Variants in RSF1 observed in about 807,000 individuals in gnomAD.
RSF1 encodes the protein remodeling and spacing factor 1, also known as HBV pX-associated protein 8.
Under a neutral mutation model 145.2 loss-of-function variants are expected in RSF1, and 13 were observed. That is an observed-to-expected ratio of 0.09 (90% CI 0.06 to 0.14). The LOEUF (loss-of-function observed/expected upper bound fraction) is 0.14. RSF1 is among the 10% of genes least tolerant of loss of function. The pLI is 1.00. For missense variants in RSF1, 1,517 were observed against 1,718.2 expected (o/e 0.88, Z 2.07); for synonymous variants, 577 against 592.6 (o/e 0.97, Z 0.38).
chr11:77,710,078 C>A (rs1202877192), intron 5 of RSF1, among the ~76,000 whole-genome samples: 1 of 151,990 alleles, frequency 6.6e-6, no homozygotes, highest in Non-Finnish European at 1.5e-5. Flanking sequence ...TTAGCAGCTA[C>A]CCCAAGAGAG....
rs1959528492 is a variant in RSF1 at position 77,671,141 on chromosome 11, ATATATATATATATATATATAT to A, written c.3751+880_3751+900del. ...AAAAAAAAAAAAAAAAAAAAAAAATATATATATATATATATATATATATATATATATATATATTTATATGTA... is the reference window on the plus strand; with the variant it reads ...AAAAAAAAAAAAAAAAAAAAAAAATAATATATATATATATATTTATATGTA... On this transcript the variant is annotated intron_variant, in intron 15 of 15. Coordinates refer to ENST00000308488, the MANE Select transcript of RSF1 (RefSeq NM_016578.4). Among the ~76,000 whole-genome samples the A allele has an allele frequency of 1.4e-4, 2 of 14,452 alleles. 1 individual carries two copies. Among genetic ancestry groups the A allele is most frequent in the African/African-American group, 8.6e-4 (2 of 2,316 alleles). 9.5% of individuals were successfully genotyped at this position (14,452 alleles called of 152,430 possible). A position where few individuals can be genotyped will look rare whatever the true frequency, so the allele number is the denominator to read the frequency against.
intron 11 of RSF1, among the ~76,000 whole-genome samples, chr11:77,683,273 G>C (rs1036238237): frequency 2.0e-5 from 3 of 152,078 alleles, no homozygotes; most frequent in Admixed American, 2.0e-4. Flanking sequence ...CCTGGAGACA[G>C]AGCAAGACTC....
chr11:77,826,506 T>A, the RSF1 span, among the ~76,000 whole-genome samples: 14 of 152,200 alleles, frequency 9.2e-5, no homozygotes, highest in Non-Finnish European at 2.1e-4. Flanking sequence ...AGGCCTGATA[T>A]TCACTTGTAT....
intron 4 of RSF1, chr11:77,734,830 T>C: frequency 1.3e-6 from 2 of 1,593,760 alleles, no homozygotes; most frequent in Non-Finnish European, 1.7e-6. Flanking sequence ...TTTCTCAGCA[T>C]GCTCCCTCTC....
At position 77,759,077 on chromosome 11, in the gene RSF1, G is replaced by A. The variant is rs541559902; in HGVS notation, c.279+5521C>T. ...TTTTTTCTAAGAGTTTCATGATTTA[G>A]CCCTTATATTTAGGTTGTTGATCTA... On this transcript the variant is annotated intron_variant, in intron 2 of 15. Transcript: ENST00000308488. Among the ~76,000 whole-genome samples the A allele has an allele frequency of 2.0e-5, 3 of 152,166 alleles. No homozygotes were observed. The South Asian group carries it at 6.2e-4, about 32-fold the overall frequency.
At chr11:77,786,229 C>T (rs1948455505) in intron 1 of RSF1, among the ~76,000 whole-genome samples, 1 of 152,050 alleles carries the variant, frequency 6.6e-6, no homozygotes, top group Non-Finnish European at 1.5e-5. Flanking sequence ...ATTAATTTAT[C>T]CCCACAAATA....
intron 5 of RSF1, chr11:77,703,173 T>C (rs535851482): frequency 1.3e-5 from 2 of 152,332 alleles, no homozygotes; most frequent in South Asian, 4.1e-4. Flanking sequence ...ATATTACAAC[T>C]TACTTTATCA....
At chr11:77,807,316 C>G (rs1948687130) in intron 1 of RSF1, among the ~76,000 whole-genome samples, 1 of 152,160 alleles carries the variant, frequency 6.6e-6, no homozygotes, top group Non-Finnish European at 1.5e-5. Context: ...TATGATTTCC[C>G]CTGGCCAAAA....
intron 9 of RSF1, among the ~76,000 whole-genome samples, chr11:77,685,988 C>T (rs1455829963): frequency 6.6e-6 from 1 of 152,084 alleles, no homozygotes; most frequent in Non-Finnish European, 1.5e-5. Context: ...GCAATGCAGA[C>T]GTATAGCTCT....
At chr11:77,734,654 T>C (rs1961294279) in intron 4 of RSF1, 2 of 1,442,606 alleles carry the variant, frequency 1.4e-6, no homozygotes, top group African/African-American at 2.8e-5. Flanking sequence ...GGGTCATTTT[T>C]GTCAGTGGCC....
the RSF1 span, among the ~76,000 whole-genome samples, chr11:77,832,951 A>G: frequency 8.5e-3 from 578 of 68,344 alleles, 11 homozygotes; most frequent in Middle Eastern, 0.019. Context: ...GTATATATAT[A>G]TGTGTGTGTG....
chr11:77,839,875 A>T, the RSF1 span, among the ~76,000 whole-genome samples: 1 of 152,124 alleles, frequency 6.6e-6, no homozygotes, highest in Non-Finnish European at 1.5e-5. Context: ...TGTGGGGCTT[A>T]ATACCTAGGT....
chr11:77,847,721 A>G, the RSF1 span, among the ~76,000 whole-genome samples: 1 of 152,332 alleles, frequency 6.6e-6, no homozygotes, highest in East Asian at 1.9e-4. Flanking sequence ...TTTATATTGT[A>G]TTCAGTTAAT....
At chr11:77,867,785 T>A in the RSF1 span, among the ~76,000 whole-genome samples, 1 of 152,224 alleles carries the variant, frequency 6.6e-6, no homozygotes, top group Non-Finnish European at 1.5e-5. Flanking sequence ...TCATCTTTGT[T>A]AAACACATCA....
At chr11:77,735,152 C>G in intron 4 of RSF1, 1 of 703,016 alleles carries the variant, frequency 1.4e-6, no homozygotes. Context: ...GGGCGGCCGG[C>G]TGGGGTGGGG....
intron 1 of RSF1, among the ~76,000 whole-genome samples, chr11:77,790,633 T>C (rs1472011073): frequency 6.6e-6 from 1 of 152,200 alleles, no homozygotes; most frequent in Non-Finnish European, 1.5e-5. Context: ...GCAAGTTAGT[T>C]ACTTCCTAGA....
chr11:77,700,711 C>G lies in RSF1; in HGVS notation c.2508+10G>C. The G allele has an allele frequency of 6.5e-7, 1 of 1,539,444 alleles. No individual in the cohort carries two copies. The highest frequency in any genetic ancestry group is 8.7e-7 in the Non-Finnish European group (1 of 1,150,634). On this transcript the variant is annotated intron_variant, in intron 6 of 15. Coordinates refer to ENST00000308488, the MANE Select transcript of RSF1 (RefSeq NM_016578.4). ...CAAATATTTTTAATTAAAGTTAAGA[C>G]AAGTTTTACCTTGCTTACTTTAGAA...
At chr11:77,789,781 G>A (rs1948498434) in intron 1 of RSF1, among the ~76,000 whole-genome samples, 1 of 152,168 alleles carries the variant, frequency 6.6e-6, no homozygotes, top group Non-Finnish European at 1.5e-5. Flanking sequence ...AGCCCTTCTG[G>A]CCCAGCTTCA....
rs190462279 is a variant in RSF1 at position 77,747,156 on chromosome 11, C to A, written c.280-28G>T. 1.1e-4 allele frequency: 153 copies of A among 1,371,682 alleles called. 1 individual carries two copies. In the African/African-American group the frequency reaches 1.8e-3, roughly 16 times the overall value. The allele number at this position is 1,371,682 out of a possible 1,614,324, so 85.0% of individuals were successfully genotyped here. On this transcript the variant is annotated intron_variant, in intron 2 of 15. Transcript: ENST00000308488. ...GTCAGATAAAGTTAATATCTTAATA[C>A]ATGAAAGCAATTTTTATTTATGTTT...
Sources: gnomAD v4.1 joint callset for allele counts (sites outside exome capture counted in the v4.1 genomes callset) on GRCh38, gnomAD v4.1.1 for gene constraint, MANE v1.5 for transcripts, NCBI Gene and HGNC (gene_info 2026-07-23, HGNC 2026-07-21) for gene names.